The following SLC25A38 variants were observed in gnomAD, a reference collection of about 807,000 sequenced individuals.
SLC25A38 encodes solute carrier family 25 member 38.
SLC25A38 carries 27 observed loss-of-function variants against 33.4 expected under a neutral mutation model. That is an observed-to-expected ratio of 0.81 (90% CI 0.60 to 1.11). The LOEUF is 1.11. Among genes scored for constraint, SLC25A38 ranks in the 50% most tolerant of loss-of-function variants. The pLI, the probability that SLC25A38 is intolerant of heterozygous loss-of-function variation, is 0.00. For synonymous variants in SLC25A38, 123 were observed against 145.9 expected (o/e 0.84, Z 1.13); for missense variants, 344 against 388.8 (o/e 0.88, Z 0.97).
chr3:39,383,839 C>T lies in SLC25A38; in HGVS notation c.69+46C>T, dbSNP rs1036258232. The stretch of plus-strand genomic sequence containing the variant: ...GAAGGGCAGGGGTCCGAACCGCGGG[C>T]TCGGGCCGGAGAATTCGGGGCGTTG... On this transcript the variant is annotated intron_variant, in intron 1 of 6. Transcript: ENST00000650617. 6 of 1,604,200 alleles carry T rather than the reference C, an allele frequency of 3.7e-6. No individual in the cohort carries two copies. The African/African-American group carries it at 8.0e-5, about 21-fold the overall frequency.
chr3:39,396,533 T>C lies in SLC25A38; in HGVS notation c.*13T>C, dbSNP rs762862424. 62 of 1,613,900 alleles carry C rather than the reference T, an allele frequency of 3.8e-5. 1 individual carries two copies. In the Admixed American group the frequency reaches 1.0e-3, roughly 26 times the overall value. On this transcript the variant is annotated 3_prime_UTR_variant, in exon 7 of 7. Transcript: ENST00000650617. ...CCTGAAGTCCTGACCAAGAGAGGAC[T>C]GGGAACGGGTGAAATCTGTTGCCCT...
chr3:39,388,685 T>C (rs1054993773), intron 1 of SLC25A38, among the ~76,000 whole-genome samples: 6 of 152,208 alleles, frequency 3.9e-5, no homozygotes, highest in Non-Finnish European at 7.3e-5. Flanking sequence ...AGAAGGTCAC[T>C]GGTTGGATTT....
chr3:39,383,656 C>G lies in SLC25A38; in HGVS notation c.-69C>G, dbSNP rs886058470. ...GCCACCCCCTAGCCTTCTTCAAGGC[C>G]TCCAGGGCTGGGCCCAAGCGCCCGT... On this transcript the variant is annotated 5_prime_UTR_variant, in exon 1 of 7. Transcript: ENST00000650617. 6.3e-7 allele frequency: 1 copy of G among 1,591,360 alleles called. No individual in the cohort carries two copies. Among genetic ancestry groups the G allele is most frequent in the Non-Finnish European group, 8.6e-7 (1 of 1,160,438 alleles).
intron 1 of SLC25A38, among the ~76,000 whole-genome samples, chr3:39,386,631 G>A (rs537457259): frequency 1.7e-4 from 26 of 152,266 alleles, no homozygotes; most frequent in Admixed American, 3.9e-4. Context: ...GTGGATTAGA[G>A]GGGTCATATA....
Position 39,389,708 on chromosome 3 carries a change from G to T in SLC25A38, c.191+92G>T. 1 of 1,602,250 alleles carries T rather than the reference G, an allele frequency of 6.2e-7. No individual in the cohort carries two copies. The highest frequency in any genetic ancestry group is 8.5e-7 in the Non-Finnish European group (1 of 1,170,992). ...TGTTAAGTCAACTTCCATTCTGTTGGATGTTCAGAGAGAAACACAGGCCAT... is the reference window on the plus strand; with the variant it reads ...TGTTAAGTCAACTTCCATTCTGTTGTATGTTCAGAGAGAAACACAGGCCAT... On this transcript the variant is annotated intron_variant, in intron 2 of 6. Transcript: ENST00000650617. This position sits in a 1 kb window ranked among gnomAD's most constrained non-coding sequence, Gnocchi z 4.5.
Position 39,391,894 on chromosome 3 carries a change from G to C in SLC25A38, c.498G>C (p.Arg166Ser). 6.2e-7 allele frequency: 1 copy of C among 1,614,034 alleles called. No homozygotes were observed. Among genetic ancestry groups the C allele is most frequent in the South Asian group, 1.1e-5 (1 of 91,076 alleles). ...YGYESIYAALRSIYHSEGHRG... is the reference protein window; with the variant it reads ...YGYESIYAALSSIYHSEGHRG... ...ATGAGAGTATCTACGCTGCCCTGAGGAGCATCTATCACAGTGAGGGGCACC... is the reference window on the plus strand; with the variant it reads ...ATGAGAGTATCTACGCTGCCCTGAGCAGCATCTATCACAGTGAGGGGCACC... Residue 166 changes from arginine to serine, a missense_variant, in exon 5 of 7, where the codon AGG becomes AGC. Physicochemically the swap from Arg to Ser is moderately radical, Grantham distance 110. This residue lies in a region of SLC25A38 where 269 missense variants were observed against 271.8 expected (regional missense o/e 0.99). Coordinates refer to ENST00000650617, the MANE Select transcript of SLC25A38 (RefSeq NM_017875.4).
chr3:39,393,360 A>G (rs1465232597), intron 5 of SLC25A38, among the ~76,000 whole-genome samples: 2 of 152,190 alleles, frequency 1.3e-5, no homozygotes, highest in Non-Finnish European at 2.9e-5. Context: ...AGTACAATGT[A>G]CATATTTTTT....
At chr3:39,385,306 T>TA (rs2041697791) in intron 1 of SLC25A38, among the ~76,000 whole-genome samples, 1 of 152,054 alleles carries the variant, frequency 6.6e-6, no homozygotes. Flanking sequence ...AGTACAAAGC[T>TA]AAAAAAGTTA....
chr3:39,395,900 A>C (rs2041822164), intron 6 of SLC25A38, among the ~76,000 whole-genome samples: 1 of 140,856 alleles, frequency 7.1e-6, no homozygotes, highest in African/African-American at 2.5e-5. Flanking sequence ...AGGTAAGCCC[A>C]GCAACTACAA....
Position 39,383,722 on chromosome 3 carries a change from C to G in SLC25A38, c.-3C>G. ...CCCAGAGGACTCGCGGGCCTCATCTCCAATGATTCAGAACTCACGTCCGTC... is the reference window on the plus strand; with the variant it reads ...CCCAGAGGACTCGCGGGCCTCATCTGCAATGATTCAGAACTCACGTCCGTC... On this transcript the variant is annotated 5_prime_UTR_variant, in exon 1 of 7. Transcript: ENST00000650617. The G allele has an allele frequency of 6.2e-7, 1 of 1,614,122 alleles. No homozygotes were observed. The highest frequency in any genetic ancestry group is 1.7e-5 in the Admixed American group (1 of 60,034).
intron 1 of SLC25A38, among the ~76,000 whole-genome samples, chr3:39,385,978 C>T (rs1329865309): frequency 6.6e-6 from 1 of 152,168 alleles, no homozygotes; most frequent in Non-Finnish European, 1.5e-5. Flanking sequence ...TAGGCCAAAA[C>T]GGTTAGCAGG....
chr3:39,394,904 CG>C (rs2041810723), intron 6 of SLC25A38, among the ~76,000 whole-genome samples: 1 of 151,686 alleles, frequency 6.6e-6, no homozygotes, highest in African/African-American at 2.4e-5. Context: ...ATCAGGAAAT[CG>C]GGGTGAAATT....
chr3:39,386,745 G>A (rs2041711510), intron 1 of SLC25A38, among the ~76,000 whole-genome samples: 1 of 152,196 alleles, frequency 6.6e-6, no homozygotes, highest in Non-Finnish European at 1.5e-5. Flanking sequence ...TGGAGATAGA[G>A]TGAACAAGTG....
rs1416227038 is a variant in SLC25A38, at chr3:39,391,618, G to A, written c.454G>A (p.Glu152Lys). 2 of 1,614,206 alleles carry A rather than the reference G, an allele frequency of 1.2e-6. No homozygotes were observed. Among genetic ancestry groups the A allele is most frequent in the Admixed American group, 1.7e-5 (1 of 60,026 alleles). ...TATCACTGTAATCAAGACGCGCTAT[G>A]AGGTGAGTTCAACCACTTTAGGGCC... The part of the protein sequence containing the change: ...SPITVIKTRY[E>K]SGKYGYESIY... The change falls in exon 4 of 7, where the codon GAG (glutamate) becomes AAG (lysine). Residue 152 changes from glutamate (E) to lysine (K), a missense_variant and splice_region_variant. This residue lies in a region of SLC25A38 where 269 missense variants were observed against 271.8 expected (regional missense o/e 0.99). Coordinates refer to ENST00000650617, the MANE Select transcript of SLC25A38 (RefSeq NM_017875.4).
chr3:39,383,555 C>G lies in SLC25A38; in HGVS notation c.-170C>G. 1.5e-6 allele frequency: 1 copy of G among 687,684 alleles called. No individual in the cohort carries two copies. Among genetic ancestry groups the G allele is most frequent in the Non-Finnish European group, 2.5e-6 (1 of 392,788 alleles). The allele number at this position is 687,684 out of a possible 1,614,324, so 42.6% of individuals were successfully genotyped here. A position where few individuals can be genotyped will look rare whatever the true frequency, so the allele number is the denominator to read the frequency against. On this transcript the variant is annotated 5_prime_UTR_variant, in exon 1 of 7. The change creates a new upstream start codon in the 5' untranslated region. Coordinates refer to ENST00000650617, the MANE Select transcript of SLC25A38 (RefSeq NM_017875.4). ...CCCGCAGCCCCTGGACTAGCAGGATCCGAACCCCGGCGGCTGCGTGCTTAT... is the reference window on the plus strand; with the variant it reads ...CCCGCAGCCCCTGGACTAGCAGGATGCGAACCCCGGCGGCTGCGTGCTTAT...
rs779475029 is a variant in SLC25A38, at chr3:39,390,415, G to C, written c.192-8G>C. ...TTTCCTTCCTGTCTCCATTTTGTCT[G>C]CTTTCAGGTCTAGACGTGTTGGGAT... On this transcript the variant is annotated splice_region_variant and splice_polypyrimidine_tract_variant and intron_variant, in intron 2 of 6. Coordinates refer to ENST00000650617, the MANE Select transcript of SLC25A38 (RefSeq NM_017875.4). 4.0e-5 allele frequency: 64 copies of C among 1,614,044 alleles called. No homozygotes were observed. The highest frequency in any genetic ancestry group is 5.1e-5 in the Non-Finnish European group (60 of 1,180,010).
chr3:39,393,682 A>G (rs2041799455), intron 5 of SLC25A38, among the ~76,000 whole-genome samples: 2 of 152,134 alleles, frequency 1.3e-5, no homozygotes, highest in African/African-American at 4.8e-5. Context: ...TATTTTTAGT[A>G]GAGACAGAGT....
At position 39,395,875 on chromosome 3, in the gene SLC25A38, T is replaced by C. The variant is rs544237020; in HGVS notation, c.793-523T>C. ...CTTTCAGCTAAGAAATCCCCCTAGATAGAGCAGCCTAAAAAGGTAAGCCCA... is the reference window on the plus strand; with the variant it reads ...CTTTCAGCTAAGAAATCCCCCTAGACAGAGCAGCCTAAAAAGGTAAGCCCA... On this transcript the variant is annotated intron_variant, in intron 6 of 6. Transcript: ENST00000650617. 3.3e-4 allele frequency among the ~76,000 whole-genome samples: 48 copies of C among 147,602 alleles called. 1 individual carries two copies. Among genetic ancestry groups the C allele is most frequent in the African/African-American group, 1.1e-3 (46 of 40,224 alleles).
chr3:39,396,349 T>C (rs141975833), intron 6 of SLC25A38, 49 bp from the exon 7 acceptor site: 1 of 1,613,936 alleles, frequency 6.2e-7, no homozygotes, highest in Non-Finnish European at 8.5e-7. Flanking sequence ...GGATAATTAA[T>C]TGTATTGCTA....
Sources: allele counts gnomAD v4.1 joint callset (sites outside exome capture counted in the v4.1 genomes callset), GRCh38; gene constraint gnomAD v4.1.1; regional missense constraint gnomAD v4.1.1; non-coding constraint Gnocchi (gnomAD v3.1); transcripts MANE v1.5; gene names NCBI Gene and HGNC (gene_info 2026-07-23, HGNC 2026-07-21).